Variants in PRKN observed in about 807,000 individuals in gnomAD.
The protein encoded by PRKN is E3 ubiquitin-protein ligase parkin.
PRKN carries 56 observed loss-of-function variants against 59.5 expected under a neutral mutation model. That is an observed-to-expected ratio of 0.94 (90% confidence interval 0.76 to 1.18). PRKN has a LOEUF of 1.18. Ranked by LOEUF, PRKN falls within the 50% of genes most tolerant of loss-of-function variation. The pLI is 0.00. For missense variants in PRKN, 657 were observed against 596.4 expected, an observed-to-expected ratio of 1.10 and a Z score of -1.06; for synonymous variants, 250 against 222.1, an observed-to-expected ratio of 1.13 and a Z score of -1.12.
At chr6:162,624,611 C>T (rs796533235) in intron 1 of PRKN, 11 of 152,344 alleles carry the variant, frequency 7.2e-5, no homozygotes, top group African/African-American at 2.6e-4. Context: ...AAAAATGTTA[C>T]TTAGCTGCAT....
chr6:161,465,606 A>G (rs1348401972), intron 9 of PRKN, among the ~76,000 whole-genome samples: 1 of 151,912 alleles, frequency 6.6e-6, no homozygotes, highest in Non-Finnish European at 1.5e-5. Flanking sequence ...CGTGCTCTCC[A>G]TACAATGAGG....
rs191959244 is a variant in PRKN at position 162,316,935 on chromosome 6, G to C, written c.172-54170C>G. Among the ~76,000 whole-genome samples, 293 of 152,204 alleles carry C rather than the reference G, an allele frequency of 1.9e-3. 2 individuals carry two copies. The highest frequency in any genetic ancestry group is 6.8e-3 in the African/African-American group (284 of 41,550). ...AATTCAAAGAATCCATATCACTTTT[G>C]ATAGGGGTGCTCAAAATTTCATTGC... On this transcript the variant is annotated intron_variant, in intron 2 of 11. Coordinates refer to ENST00000366898, the MANE Select transcript of PRKN (RefSeq NM_004562.3).
chr6:162,568,199 T>A (rs1300171055), intron 1 of PRKN, among the ~76,000 whole-genome samples: 1 of 152,134 alleles, frequency 6.6e-6, no homozygotes, highest in Non-Finnish European at 1.5e-5. Flanking sequence ...AGGACACTGG[T>A]CTGTCTGGGT....
chr6:161,890,593 C>T (rs1011396769), intron 6 of PRKN, among the ~76,000 whole-genome samples: 1 of 152,184 alleles, frequency 6.6e-6, no homozygotes, highest in Non-Finnish European at 1.5e-5. Context: ...TGGATGCTGT[C>T]TCAGATCTAA....
intron 3 of PRKN, among the ~76,000 whole-genome samples, chr6:162,231,578 G>T (rs1778418576): frequency 6.6e-6 from 1 of 152,146 alleles, no homozygotes; most frequent in Admixed American, 6.5e-5. Context: ...CTGCCTGCTG[G>T]ATCTGTATCT....
At chr6:162,047,005 G>T (rs897520400) in intron 5 of PRKN, among the ~76,000 whole-genome samples, 1 of 151,966 alleles carries the variant, frequency 6.6e-6, no homozygotes, top group Non-Finnish European at 1.5e-5. Flanking sequence ...TTTGAAAAAT[G>T]TTCTAAGAAA....
chr6:161,903,112 C>T (rs577933599), intron 6 of PRKN, among the ~76,000 whole-genome samples: 35 of 152,094 alleles, frequency 2.3e-4, no homozygotes, highest in Non-Finnish European at 4.9e-4. Context: ...TTGCCCAGCA[C>T]CCAGTGTCTA....
At chr6:161,556,965 A>G (rs1780262406) in intron 8 of PRKN, among the ~76,000 whole-genome samples, 2 of 152,354 alleles carry the variant, frequency 1.3e-5, no homozygotes, top group Middle Eastern at 3.4e-3. Flanking sequence ...AAATTTCTAG[A>G]TATGCTTTCA....
At chr6:161,658,030 A>AAAG (rs1554289234) in intron 7 of PRKN, among the ~76,000 whole-genome samples, 2 of 104,880 alleles carry the variant, frequency 1.9e-5, no homozygotes, top group African/African-American at 7.0e-5. Flanking sequence ...AAAAAAAAAA[A>AAAG]AAAAGAAAAG....
chr6:162,062,938 T>G (rs1778160077), intron 4 of PRKN, among the ~76,000 whole-genome samples: 1 of 152,152 alleles, frequency 6.6e-6, no homozygotes, highest in African/African-American at 2.4e-5. Context: ...ACTGAGCAAT[T>G]GACAAGGAAA....
chr6:161,874,888 TATATA>T (rs1313562489), intron 6 of PRKN, among the ~76,000 whole-genome samples: 2 of 104,700 alleles, frequency 1.9e-5, no homozygotes, highest in Non-Finnish European at 3.2e-5. Context: ...AAATATATAA[TATATA>T]ATATATAATA....
At chr6:161,421,646 A>G (rs1482930953) in intron 9 of PRKN, among the ~76,000 whole-genome samples, 2 of 152,126 alleles carry the variant, frequency 1.3e-5, no homozygotes, top group African/African-American at 4.8e-5. Flanking sequence ...ACTGTTTCCA[A>G]CCCTGGCTGT....
chr6:162,197,840 T>C (rs1784553953), intron 4 of PRKN, among the ~76,000 whole-genome samples: 1 of 152,198 alleles, frequency 6.6e-6, no homozygotes, highest in African/African-American at 2.4e-5. Flanking sequence ...CATAGAAAAT[T>C]TCGAATACAA....
intron 7 of PRKN, among the ~76,000 whole-genome samples, chr6:161,706,487 C>A (rs896954832): frequency 6.6e-6 from 1 of 152,222 alleles, no homozygotes; most frequent in Non-Finnish European, 1.5e-5. Context: ...AGCAAGGGTG[C>A]CTTACTCATC....
At chr6:161,847,838 A>G (rs1230800906) in intron 6 of PRKN, among the ~76,000 whole-genome samples, 1 of 152,186 alleles carries the variant, frequency 6.6e-6, no homozygotes, top group Non-Finnish European at 1.5e-5. Flanking sequence ...TTCACATTCT[A>G]TTTCACAAGG....
At chr6:162,580,856 A>T (rs1003114364) in intron 1 of PRKN, among the ~76,000 whole-genome samples, 2 of 152,348 alleles carry the variant, frequency 1.3e-5, no homozygotes, top group Non-Finnish European at 1.5e-5. Flanking sequence ...TGCTGAGTAT[A>T]TAACGCCTTT....
rs907224629 is a variant in PRKN at position 162,277,393 on chromosome 6, G to T, written c.172-14628C>A. 2.0e-5 allele frequency among the ~76,000 whole-genome samples: 3 copies of T among 152,082 alleles called. No homozygotes were observed. The South Asian group carries it at 6.2e-4, about 32-fold the overall frequency. On this transcript the variant is annotated intron_variant, in intron 2 of 11. Coordinates refer to ENST00000366898, the MANE Select transcript of PRKN (RefSeq NM_004562.3). ...ATGAGGAGACAATAAAACAAATCGAGGTTGCAGGATAATTCTGCAAACAAC... is the reference window on the plus strand; with the variant it reads ...ATGAGGAGACAATAAAACAAATCGATGTTGCAGGATAATTCTGCAAACAAC...
intron 1 of PRKN, among the ~76,000 whole-genome samples, chr6:162,619,183 G>A (rs1312854604): frequency 2.1e-5 from 3 of 140,758 alleles, no homozygotes; most frequent in Non-Finnish European, 4.5e-5. Context: ...TCTCTCTGTC[G>A]CCAGGCTGGA....
chr6:161,490,692 G>C (rs1177985003), intron 9 of PRKN, among the ~76,000 whole-genome samples: 2 of 152,034 alleles, frequency 1.3e-5, no homozygotes, highest in Non-Finnish European at 2.9e-5. Context: ...TGCACGGCCA[G>C]ATCTCTCTAC....
Sources: allele counts gnomAD v4.1 joint callset (sites outside exome capture counted in the v4.1 genomes callset), GRCh38; gene constraint gnomAD v4.1.1; transcripts MANE v1.5; gene names NCBI Gene and HGNC (gene_info 2026-07-23, HGNC 2026-07-21).